Variants in RBPMS observed in about 807,000 individuals in gnomAD.
The protein encoded by RBPMS is RNA-binding protein with multiple splicing.
RBPMS carries 7 observed loss-of-function variants against 26.8 expected under a neutral mutation model. The observed-to-expected ratio is 0.26, with a 90% CI of 0.15 to 0.49. The LOEUF (loss-of-function observed/expected upper bound fraction) is 0.49. Ranked by LOEUF, RBPMS falls within the 20% of genes least tolerant of loss-of-function variation. The probability of loss-of-function intolerance (pLI) is 0.98; values close to 1 mark genes in which losing one functional copy is unlikely to be tolerated. For missense variants in RBPMS, 186 were observed against 250.0 expected, an observed-to-expected ratio of 0.74 and a Z score of 1.73; for synonymous variants, 96 against 93.3, an observed-to-expected ratio of 1.03 and a Z score of -0.17.
chr8:30,513,001 C>A (rs1821887888), intron 5 of RBPMS, among the ~76,000 whole-genome samples: 1 of 152,098 alleles, frequency 6.6e-6, no homozygotes, highest in South Asian at 2.1e-4. Context: ...CCTTCCCACC[C>A]CACCCCACCC....
At chr8:30,535,254 T>C (rs1440401169) in intron 5 of RBPMS, among the ~76,000 whole-genome samples, 1 of 152,214 alleles carries the variant, frequency 6.6e-6, no homozygotes, top group East Asian at 1.9e-4. Context: ...GTAGGCACTT[T>C]GTAATATCGT....
intron 5 of RBPMS, among the ~76,000 whole-genome samples, chr8:30,505,487 A>G (rs1563386136): frequency 6.6e-6 from 1 of 152,206 alleles, no homozygotes; most frequent in African/African-American, 2.4e-5. Flanking sequence ...GTAGAAACTA[A>G]CAGATAAGTC....
At chr8:30,444,908 C>T (rs1813559142) in intron 1 of RBPMS, 2 of 152,208 alleles carry the variant, frequency 1.3e-5, no homozygotes, top group African/African-American at 4.8e-5. Context: ...CCCTGTGCAT[C>T]TTAAATCTTT....
chr8:30,457,091 T>C (rs778249931), intron 1 of RBPMS, among the ~76,000 whole-genome samples: 2 of 152,214 alleles, frequency 1.3e-5, no homozygotes, highest in Non-Finnish European at 2.9e-5. Flanking sequence ...TGCTGGCCTG[T>C]CATACCAGGT....
At chr8:30,462,336 A>G (rs1816004066) in intron 1 of RBPMS, among the ~76,000 whole-genome samples, 1 of 152,268 alleles carries the variant, frequency 6.6e-6, no homozygotes, top group Non-Finnish European at 1.5e-5. Context: ...GTAAATATAA[A>G]GTAGCTAAAA....
At chr8:30,515,644 T>A (rs1037238619) in intron 5 of RBPMS, among the ~76,000 whole-genome samples, 1 of 152,182 alleles carries the variant, frequency 6.6e-6, no homozygotes, top group African/African-American at 2.4e-5. Context: ...TTAAAAAACA[T>A]GAATTAATAA....
chr8:30,444,038 A>AG (rs986664836), intron 1 of RBPMS, among the ~76,000 whole-genome samples: 29 of 152,266 alleles, frequency 1.9e-4, no homozygotes, highest in Admixed American at 1.8e-3. Context: ...CTGGGACTAC[A>AG]GGGGGGCACC....
chr8:30,441,635 C>T (rs1484705197), intron 1 of RBPMS, among the ~76,000 whole-genome samples: 1 of 151,940 alleles, frequency 6.6e-6, no homozygotes, highest in African/African-American at 2.4e-5. Context: ...CCTCATACTG[C>T]CTAACTTCCT....
At chr8:30,428,223 A>G (rs1263454619) in intron 1 of RBPMS, among the ~76,000 whole-genome samples, 2 of 151,774 alleles carry the variant, frequency 1.3e-5, no homozygotes, top group East Asian at 1.9e-4. Context: ...GGGGTTTACC[A>G]TGTTGGCCAG....
intron 6 of RBPMS, among the ~76,000 whole-genome samples, chr8:30,548,290 T>C (rs973529364): frequency 6.6e-6 from 1 of 152,186 alleles, no homozygotes; most frequent in Non-Finnish European, 1.5e-5. Flanking sequence ...TTTGAGCTCA[T>C]GTTCTGCTTT....
intron 1 of RBPMS, among the ~76,000 whole-genome samples, chr8:30,472,943 T>C (rs1361486364): frequency 6.6e-6 from 1 of 152,170 alleles, no homozygotes; most frequent in African/African-American, 2.4e-5. Flanking sequence ...TAGCAGACTG[T>C]CTGTCTGTCT....
intron 1 of RBPMS, among the ~76,000 whole-genome samples, chr8:30,440,963 G>A (rs1437111662): frequency 6.8e-6 from 1 of 146,746 alleles, no homozygotes; most frequent in African/African-American, 2.5e-5. Flanking sequence ...ACAGTCCCCC[G>A]CCCCGCCCCC....
At chr8:30,557,325 G>A (rs1436439996) in intron 6 of RBPMS, among the ~76,000 whole-genome samples, 1 of 152,196 alleles carries the variant, frequency 6.6e-6, no homozygotes, top group African/African-American at 2.4e-5. Context: ...CCAGGGACAA[G>A]GTCGGGGTGC....
chr8:30,501,122 C>G (rs1360708455), intron 4 of RBPMS, among the ~76,000 whole-genome samples: 2 of 152,054 alleles, frequency 1.3e-5, no homozygotes, highest in Admixed American at 6.6e-5. Context: ...GGTCACAGAC[C>G]TACTACATAA....
intron 1 of RBPMS, among the ~76,000 whole-genome samples, chr8:30,433,529 A>G (rs1812150237): frequency 6.6e-6 from 1 of 152,128 alleles, no homozygotes; most frequent in African/African-American, 2.4e-5. Flanking sequence ...AAAATTAACC[A>G]GGTGTGGTGG....
intron 1 of RBPMS, among the ~76,000 whole-genome samples, chr8:30,418,466 G>A (rs1810357171): frequency 6.6e-6 from 1 of 152,104 alleles, no homozygotes; most frequent in African/African-American, 2.4e-5. Context: ...TTAAAGAAGT[G>A]TATCATTTTC....
intron 4 of RBPMS, among the ~76,000 whole-genome samples, chr8:30,479,812 TAA>T (rs5890523): frequency 2.9e-4 from 43 of 148,754 alleles, no homozygotes; most frequent in Middle Eastern, 3.5e-3. Context: ...TATGCAGCAT[TAA>T]AAAAAAAAAA....
At chr8:30,434,776 A>AAC (rs33991199) in intron 1 of RBPMS, among the ~76,000 whole-genome samples, 42,649 of 147,324 alleles carry the variant, frequency 0.29, 6,089 homozygotes, top group East Asian at 0.42. Flanking sequence ...ATTCCCATAT[A>AAC]ACACACACAC....
chr8:30,413,771 G>A (rs138491097), intron 1 of RBPMS, among the ~76,000 whole-genome samples: 351 of 152,182 alleles, frequency 2.3e-3, no homozygotes, highest in African/African-American at 8.2e-3. Context: ...GTGCCACCAC[G>A]CCTGGCTAAT....
Sources: allele counts gnomAD v4.1 joint callset (sites outside exome capture counted in the v4.1 genomes callset), GRCh38; gene constraint gnomAD v4.1.1; transcripts MANE v1.5; gene names NCBI Gene and HGNC (gene_info 2026-07-23, HGNC 2026-07-21).